Variants in CEP192 observed in about 807,000 individuals in gnomAD.
CEP192 encodes the protein centrosomal protein 192, also known as centrosomal protein of 192 kDa.
CEP192 carries 151 observed loss-of-function variants against 271.8 expected under a neutral mutation model. The ratio of observed to expected loss-of-function variants is 0.56; its 90% CI spans 0.49 to 0.64. The LOEUF (loss-of-function observed/expected upper bound fraction) is 0.64. CEP192 is among the 30% of genes least tolerant of loss of function. CEP192 has a pLI of 0.00. For missense variants in CEP192, 2,910 were observed against 3,020.5 expected (o/e 0.96, Z 0.86); for synonymous variants, 995 against 1,076.5 (o/e 0.92, Z 1.48).
At chr18:13,075,972 G>A (rs912277076) in intron 30 of CEP192, among the ~76,000 whole-genome samples, 3 of 152,190 alleles carry the variant, frequency 2.0e-5, no homozygotes, top group Admixed American at 6.5e-5. Flanking sequence ...ACCAGAGCTT[G>A]TGTTACCCCC....
intron 9 of CEP192, among the ~76,000 whole-genome samples, chr18:13,027,741 G>T (rs748021039): frequency 6.6e-6 from 1 of 152,086 alleles, no homozygotes; most frequent in Non-Finnish European, 1.5e-5. Context: ...TCAAGATTAA[G>T]TTGCTTTATG....
Position 13,067,954 on chromosome 18 carries a change from G to A in CEP192, c.4612G>A (p.Ala1538Thr), listed in dbSNP as rs767134548. 3 of 1,607,292 alleles carry A rather than the reference G, an allele frequency of 1.9e-6. No individual in the cohort carries two copies. In the Admixed American group the frequency reaches 5.0e-5, roughly 27 times the overall value. Residue 1538 changes from alanine to threonine, a missense_variant and splice_region_variant, in exon 22 of 45, where the codon GCT (alanine) becomes ACT (threonine). Transcript: ENST00000506447. ...ATVPIRLIIN[A>T]NAVAWRCFTF... The stretch of plus-strand genomic sequence containing the variant: ...TGTGCCAATTAGACTGATTATTAAT[G>A]CTGTAAGTATGAACATACAGTAAGA...
At position 13,065,175 on chromosome 18, in the gene CEP192, G is replaced by GTT. The variant is rs35939555; in HGVS notation, c.4489-2645_4489-2644dup. Among the ~76,000 whole-genome samples the GTT allele has an allele frequency of 6.4e-4, 92 of 144,124 alleles. 1 individual carries two copies. Among genetic ancestry groups the GTT allele is most frequent in the Admixed American group, 2.5e-3 (36 of 14,646 alleles). 94.6% of individuals were successfully genotyped at this position (144,124 alleles called of 152,430 possible). A position where few individuals can be genotyped will look rare whatever the true frequency, so the allele number is the denominator to read the frequency against. ...AGTTTTTTAATCAGTTCTAATAGTT[G>GTT]TTTTTTTTTTTTAAACATGGTCACT... is the stretch of plus-strand genomic sequence containing the variant. On this transcript the variant is annotated intron_variant, in intron 21 of 44. Coordinates refer to ENST00000506447, the MANE Select transcript of CEP192 (RefSeq NM_032142.4).
At chr18:13,000,091 C>CTCTCTTTTTTTTTTTTTTTTTTT (rs1555698196) in intron 2 of CEP192, among the ~76,000 whole-genome samples, 2 of 76,750 alleles carry the variant, frequency 2.6e-5, no homozygotes, top group East Asian at 3.8e-4. Context: ...TGTCTTCTCT[C>CTCTCTTTTTTTTTTTTTTTTTTT]TTTTTTTTTT....
chr18:13,074,213 A>G (rs2038158084), intron 30 of CEP192, among the ~76,000 whole-genome samples: 1 of 152,220 alleles, frequency 6.6e-6, no homozygotes, highest in East Asian at 1.9e-4. Flanking sequence ...TTTTAGAATT[A>G]GGTATGTATG....
Position 13,082,013 on chromosome 18 carries a change from T to A in CEP192, c.5617-5004T>A, listed in dbSNP as rs188410899. On this transcript the variant is annotated intron_variant, in intron 30 of 44. Transcript: ENST00000506447. The stretch of plus-strand genomic sequence containing the variant: ...GTTCTTTTACATTTGCTGAGGAGTG[T>A]TTTACTTCCAACTATGTGGTCAGTT... 4.2e-3 allele frequency among the ~76,000 whole-genome samples: 644 copies of A among 152,220 alleles called. 5 individuals carry two copies. The highest frequency in any genetic ancestry group is 0.014 in the African/African-American group (595 of 41,548).
intron 30 of CEP192, among the ~76,000 whole-genome samples, chr18:13,083,818 T>C (rs530590092): frequency 6.6e-6 from 1 of 152,334 alleles, no homozygotes; most frequent in South Asian, 2.1e-4. Flanking sequence ...ATGTCCTTTT[T>C]GTTGATGTTG....
intron 7 of CEP192, 27 bp from the exon 8 acceptor site, chr18:13,018,453 A>T: frequency 7.1e-7 from 1 of 1,408,136 alleles, no homozygotes; most frequent in Non-Finnish European, 9.5e-7. Context: ...TTAAAAGATT[A>T]ATACAGCTAA....
At chr18:13,043,649 T>C (rs2036324452) in intron 15 of CEP192, among the ~76,000 whole-genome samples, 1 of 152,228 alleles carries the variant, frequency 6.6e-6, no homozygotes, top group Non-Finnish European at 1.5e-5. Flanking sequence ...CACCAACCAC[T>C]AACCACCAAC....
In CEP192 at chr18:13,068,097, G is replaced by A. The variant is rs1293472364; in HGVS notation, c.4618G>A (p.Ala1540Thr). ...VPIRLIINAN[A>T]VAWRCFTFSK... Reference sequence around the variant, plus strand: ...TGATTCTTGTATTTCTAAACAGAACGCTGTAGCCTGGCGCTGTTTCACGTT... The same window carrying A: ...TGATTCTTGTATTTCTAAACAGAACACTGTAGCCTGGCGCTGTTTCACGTT... The change falls in exon 23 of 45, where the codon GCT becomes ACT. Residue 1540 changes from alanine to threonine, a missense_variant. Transcript: ENST00000506447. 2 of 1,614,112 alleles carry A rather than the reference G, an allele frequency of 1.2e-6. No homozygotes were observed. Among genetic ancestry groups the A allele is most frequent in the Middle Eastern group, 1.6e-4 (1 of 6,062 alleles).
chr18:13,099,232 G>A (rs1288388216), intron 36 of CEP192, among the ~76,000 whole-genome samples: 3 of 151,978 alleles, frequency 2.0e-5, no homozygotes, highest in African/African-American at 2.4e-5. Flanking sequence ...GTTTGTTTTC[G>A]CATGAGTTTT....
Position 12,999,522 on chromosome 18 carries a change from C to G in CEP192, c.98C>G (p.Ser33Cys), listed in dbSNP as rs2033473422. ...GGGATTTTGGAAAATGTCACTCTTT[C>G]TTCAAATCTTGGCTTGCCTGTTGCT... Reference protein sequence around the residue: ...NSGILENVTLSSNLGLPVAVS... With the variant: ...NSGILENVTLCSNLGLPVAVS... The change falls in exon 2 of 45, where the codon TCT becomes TGT. Residue 33 changes from serine (S) to cysteine (C), a missense_variant. Transcript: ENST00000506447. 1 of 1,551,048 alleles carries G rather than the reference C, an allele frequency of 6.4e-7. No homozygotes were observed. Among genetic ancestry groups the G allele is most frequent in the Non-Finnish European group, 8.7e-7 (1 of 1,146,720 alleles).
At chr18:13,094,376 A>G (rs924837616) in intron 34 of CEP192, among the ~76,000 whole-genome samples, 16 of 152,146 alleles carry the variant, frequency 1.1e-4, no homozygotes, top group African/African-American at 1.7e-4. Context: ...GCTCTTTACT[A>G]TGAGGAAGAG....
intron 9 of CEP192, among the ~76,000 whole-genome samples, chr18:13,027,455 A>G (rs937786898): frequency 4.6e-5 from 7 of 152,120 alleles, no homozygotes; most frequent in African/African-American, 7.2e-5. Flanking sequence ...GCCTGCAGCA[A>G]TTCACCAGTT....
chr18:13,018,424 C>CA, intron 7 of CEP192, 56 bp from the exon 8 acceptor site: 1 of 1,178,690 alleles, frequency 8.5e-7, no homozygotes, highest in Middle Eastern at 2.1e-4. Context: ...TTTTCTCCCT[C>CA]AAAATATTTC....
Position 13,020,536 on chromosome 18 carries a change from A to G in CEP192, c.1050+1330A>G, listed in dbSNP as rs558703325. Among the ~76,000 whole-genome samples the G allele has an allele frequency of 5.9e-5, 9 of 152,298 alleles. No individual in the cohort carries two copies. The South Asian group carries it at 1.9e-3, about 32-fold the overall frequency. ...TTTTGAGTGTAATGCTGCCGTGAAC[A>G]TCAGTATACAAATACCTGTTCGAGT... On this transcript the variant is annotated intron_variant, in intron 9 of 44. Coordinates refer to ENST00000506447, the MANE Select transcript of CEP192 (RefSeq NM_032142.4).
chr18:13,053,556 C>T (rs1251748695), intron 18 of CEP192, among the ~76,000 whole-genome samples: 2 of 152,106 alleles, frequency 1.3e-5, no homozygotes, highest in African/African-American at 4.8e-5. Flanking sequence ...AGAACGGCCA[C>T]AGTGAATCAT....
chr18:13,014,598 T>G (rs1261866578), intron 5 of CEP192, among the ~76,000 whole-genome samples: 1 of 152,210 alleles, frequency 6.6e-6, no homozygotes, highest in Non-Finnish European at 1.5e-5. Flanking sequence ...TGTTAACATT[T>G]GCCATATTTT....
chr18:13,057,621 A>G lies in CEP192; in HGVS notation c.4145A>G (p.His1382Arg), dbSNP rs756112444. Reference sequence around the variant, plus strand: ...GTGCCCGAGGAGTTGAAGCTTCCTCATGCTTGCTGTGTCGGGATCGCTTCC... The same window carrying G: ...GTGCCCGAGGAGTTGAAGCTTCCTCGTGCTTGCTGTGTCGGGATCGCTTCC... The part of the protein sequence containing the change: ...VRVPEELKLP[H>R]ACCVGIASQT... Residue 1382 changes from histidine to arginine, a missense_variant, in exon 20 of 45, where the codon CAT (histidine) becomes CGT (arginine). Coordinates refer to ENST00000506447, the MANE Select transcript of CEP192 (RefSeq NM_032142.4). The G allele has an allele frequency of 2.9e-5, 47 of 1,614,156 alleles. No individual in the cohort carries two copies. The highest frequency in any genetic ancestry group is 3.9e-5 in the Non-Finnish European group (46 of 1,179,996).
Sources: allele counts gnomAD v4.1 joint callset (sites outside exome capture counted in the v4.1 genomes callset), GRCh38; gene constraint gnomAD v4.1.1; transcripts MANE v1.5; gene names NCBI Gene and HGNC (gene_info 2026-07-23, HGNC 2026-07-21).